KDELR1: variants seen among roughly 807,000 people sequenced by gnomAD.
KDELR1 encodes the protein ER lumen protein-retaining receptor 1.
In KDELR1, 16 loss-of-function variants were observed where a neutral mutation model predicts 25.5. The ratio of observed to expected loss-of-function variants is 0.63; its 90% confidence interval spans 0.43 to 0.95. The LOEUF (loss-of-function observed/expected upper bound fraction) is 0.95. Among genes scored for constraint, KDELR1 ranks in the 40% least tolerant of loss-of-function variants. The pLI, the probability that KDELR1 is intolerant of heterozygous loss-of-function variation, is 0.00. For synonymous variants in KDELR1, 121 were observed against 115.0 expected, an observed-to-expected ratio of 1.05 and a Z score of -0.33; for missense variants, 159 against 265.2, an observed-to-expected ratio of 0.60 and a Z score of 2.78.
upstream of KDELR1, among the ~76,000 whole-genome samples, chr19:48,392,865 G>A (rs996886141): frequency 6.6e-6 from 1 of 152,150 alleles, no homozygotes; most frequent in Non-Finnish European, 1.5e-5. Flanking sequence ...TAAAAGTGCC[G>A]GGCCCAGCCC....
intron 4 of KDELR1, 37 bp from the exon 5 acceptor site, chr19:48,383,364 G>C: frequency 6.5e-7 from 1 of 1,549,614 alleles, no homozygotes; most frequent in South Asian, 1.2e-5. Context: ...ATTACCGCTG[G>C]GGCCCCTGCA....
At position 48,391,271 on chromosome 19, in the gene KDELR1, C is replaced by T; in HGVS notation, c.88G>A (p.Ala30Thr). The change falls in exon 1 of 5, where the codon GCC becomes ACC. Residue 30 changes from alanine to threonine, a missense_variant. Physicochemically the swap from Ala to Thr is moderately conservative, Grantham distance 58. Coordinates refer to ENST00000330720, the MANE Select transcript of KDELR1 (RefSeq NM_006801.3). ...CCAGCCCTGGTGGGCCTCTCACCGG[C>T]GCACGAGCGGGACTTCCAGATTTTG... ...LLKIWKSRSCAGISGKSQVLF... is the reference protein window; with the variant it reads ...LLKIWKSRSCTGISGKSQVLF... The T allele has an allele frequency of 6.4e-7, 1 of 1,554,182 alleles. No individual in the cohort carries two copies. Among genetic ancestry groups the T allele is most frequent in the South Asian group, 1.2e-5 (1 of 84,216 alleles).
intron 4 of KDELR1, 40 bp from the exon 5 acceptor site, chr19:48,383,367 C>A: frequency 6.5e-7 from 1 of 1,547,048 alleles, no homozygotes; most frequent in Non-Finnish European, 8.7e-7. Flanking sequence ...ACCGCTGGGG[C>A]CCCTGCAGGG....
At chr19:48,386,804 C>T (rs936776056) in intron 3 of KDELR1, among the ~76,000 whole-genome samples, 4 of 152,002 alleles carry the variant, frequency 2.6e-5, no homozygotes, top group African/African-American at 9.7e-5. Flanking sequence ...CGGCAGCTCA[C>T]ACCTGTAATC....
chr19:48,395,051 G>A (rs1970621443), upstream of KDELR1: 2 of 152,336 alleles, frequency 1.3e-5, no homozygotes, highest in South Asian at 4.1e-4. Flanking sequence ...CGGTGGGCAG[G>A]GGTCTTGACC....
Position 48,383,071 on chromosome 19 carries a change from T to C in KDELR1, c.*222A>G. The stretch of plus-strand genomic sequence containing the variant: ...CAAAAACTAAAGAGTGGAAAGATTT[T>C]TTTTTCTTGTCTAAAAGGCAAAAAA... On this transcript the variant is annotated 3_prime_UTR_variant, in exon 5 of 5. Transcript: ENST00000330720. 1.7e-6 allele frequency: 1 copy of C among 581,708 alleles called. No homozygotes were observed. Among genetic ancestry groups the C allele is most frequent in the Non-Finnish European group, 3.0e-6 (1 of 328,230 alleles). 36.0% of individuals were successfully genotyped at this position (581,708 alleles called of 1,614,324 possible). A position where few individuals can be genotyped will look rare whatever the true frequency, so the allele number is the denominator to read the frequency against.
At chr19:48,391,013 C>G (rs993302820) in intron 1 of KDELR1, among the ~76,000 whole-genome samples, 1 of 152,070 alleles carries the variant, frequency 6.6e-6, no homozygotes, top group African/African-American at 2.4e-5. Context: ...CATGAACCCT[C>G]GGGCTGCCCA....
At chr19:48,390,577 G>GAGAGAGAGACAGAC (rs1555890422) in intron 1 of KDELR1, 53 bp from the exon 2 acceptor site, 29 of 980,228 alleles carry the variant, frequency 3.0e-5, no homozygotes, top group South Asian at 1.4e-4. Context: ...GAGAGAGAGA[G>GAGAGAGAGACAGAC]AGACAGACAG....
the KDELR1 span, among the ~76,000 whole-genome samples, chr19:48,397,186 G>A: frequency 6.6e-6 from 1 of 152,124 alleles, no homozygotes; most frequent in Non-Finnish European, 1.5e-5. Context: ...GAGGGGATGG[G>A]GACAGGACTA....
At chr19:48,387,608 G>A (rs889525791) in intron 3 of KDELR1, 3 of 151,340 alleles carry the variant, frequency 2.0e-5, no homozygotes, top group African/African-American at 4.9e-5. Flanking sequence ...CTTGACCTGG[G>A]AGGCAGAGGT....
intron 4 of KDELR1, among the ~76,000 whole-genome samples, chr19:48,383,579 C>G (rs1970473026): frequency 2.6e-5 from 4 of 152,198 alleles, no homozygotes; most frequent in Admixed American, 2.0e-4. Context: ...GGCATAGTCA[C>G]AGCTCCATGC....
At chr19:48,395,088 G>A (rs1600964509), upstream of KDELR1, among the ~76,000 whole-genome samples, 1 of 151,862 alleles carries the variant, frequency 6.6e-6, no homozygotes, top group Non-Finnish European at 1.5e-5. Context: ...GTCCCTCAGG[G>A]ACTCTCCTCC....
upstream of KDELR1, among the ~76,000 whole-genome samples, chr19:48,395,488 C>G (rs980424788): frequency 1.8e-4 from 28 of 151,812 alleles, no homozygotes; most frequent in Non-Finnish European, 3.7e-4. Context: ...GGGGAGAGAC[C>G]GATGTTGTGT....
At chr19:48,396,773 C>G in the KDELR1 span, among the ~76,000 whole-genome samples, 1 of 152,054 alleles carries the variant, frequency 6.6e-6, no homozygotes, top group South Asian at 2.1e-4. Flanking sequence ...GTGGACCTTT[C>G]CCCCGCCCTG....
At position 48,389,630 on chromosome 19, in the gene KDELR1, T is replaced by A; in HGVS notation, c.274A>T (p.Thr92Ser). 2 of 1,614,160 alleles carry A rather than the reference T, an allele frequency of 1.2e-6. No individual in the cohort carries two copies. Among genetic ancestry groups the A allele is most frequent in the Non-Finnish European group, 1.7e-6 (2 of 1,179,980 alleles). ...ACGACCAGGAACTCCACTCTGAACGTGTCATGGTTCCCATCGTAAGTAGCT... is the reference window on the plus strand; with the variant it reads ...ACGACCAGGAACTCCACTCTGAACGAGTCATGGTTCCCATCGTAAGTAGCT... ...FKATYDGNHD[T>S]FRVEFLVVPT... The change falls in exon 3 of 5, where the codon ACG becomes TCG. Residue 92 changes from threonine to serine, a missense_variant. Coordinates refer to ENST00000330720, the MANE Select transcript of KDELR1 (RefSeq NM_006801.3).
At chr19:48,393,617 G>A (rs1372342405), upstream of KDELR1, among the ~76,000 whole-genome samples, 1 of 152,184 alleles carries the variant, frequency 6.6e-6, no homozygotes, top group Admixed American at 6.5e-5. This position sits in a 1 kb window ranked among gnomAD's most constrained non-coding sequence, Gnocchi z 5.6. Flanking sequence ...GGCCAGGAGG[G>A]GGGGCTGTGG....
chr19:48,389,673 C>T lies in KDELR1; in HGVS notation c.231G>A (p.Leu77=), dbSNP rs751561328. 1 of 1,614,120 alleles carries T rather than the reference C, an allele frequency of 6.2e-7. No homozygotes were observed. The highest frequency in any genetic ancestry group is 1.7e-5 in the Admixed American group (1 of 60,014). The change falls in exon 3 of 5, where the codon TTG becomes TTA. Residue 77 remains leucine, a synonymous_variant. Transcript: ENST00000330720. ...YIACSFTTVW[L]IYSKFKATYD... is the part of the protein sequence containing the mutation. ...AAGTAGCTTTGAACTTGCTATAAAT[C>T]AACCAGACCGTGGTGAAGGAGCAGG...
chr19:48,393,696 C>T (rs962364042), upstream of KDELR1, among the ~76,000 whole-genome samples: 2 of 151,920 alleles, frequency 1.3e-5, no homozygotes, highest in African/African-American at 4.8e-5. The surrounding 1 kb of genome is among the most constrained non-coding windows in gnomAD (Gnocchi z 5.6). Flanking sequence ...TGTGCGAGAA[C>T]ACAGCGAGTG....
intron 3 of KDELR1, among the ~76,000 whole-genome samples, chr19:48,387,064 TAAAAAAAAA>T (rs35835908): frequency 3.4e-5 from 4 of 116,178 alleles, no homozygotes; most frequent in Admixed American, 1.8e-4. Flanking sequence ...CAGCAAGACT[TAAAAAAAAA>T]AAAAAAAAAA....
Sources: allele counts gnomAD v4.1 joint callset (sites outside exome capture counted in the v4.1 genomes callset), GRCh38; gene constraint gnomAD v4.1.1; non-coding constraint Gnocchi (gnomAD v3.1); transcripts MANE v1.5; gene names NCBI Gene and HGNC (gene_info 2026-07-23, HGNC 2026-07-21).